ADCY5: variants seen among roughly 807,000 people sequenced by gnomAD.
ADCY5 encodes adenylate cyclase type 5.
Under a neutral mutation model 119.7 loss-of-function variants are expected in ADCY5, and 30 were observed. The ratio of observed to expected loss-of-function variants is 0.25; its 90% confidence interval spans 0.19 to 0.34. The LOEUF (loss-of-function observed/expected upper bound fraction) is 0.34. Ranked by LOEUF, ADCY5 falls within the 10% of genes least tolerant of loss-of-function variation. The pLI is 1.00. For synonymous variants in ADCY5, 753 were observed against 762.2 expected (o/e 0.99, Z 0.20); for missense variants, 1,324 against 1,775.2 (o/e 0.75, Z 4.57).
intron 12 of ADCY5, among the ~76,000 whole-genome samples, chr3:123,313,256 G>A (rs1452393913): frequency 1.3e-5 from 2 of 152,132 alleles, no homozygotes; most frequent in African/African-American, 2.4e-5. Context: ...GTGACTATAC[G>A]GTTAACAGAC....
chr3:123,389,382 C>T (rs1322000768), intron 1 of ADCY5, among the ~76,000 whole-genome samples: 5 of 152,090 alleles, frequency 3.3e-5, no homozygotes, highest in Non-Finnish European at 7.4e-5. Context: ...AACGCAGCTT[C>T]GAGACTTTCC....
chr3:123,347,694 G>T, intron 3 of ADCY5, 88 bp downstream of exon 3: 1 of 1,457,810 alleles, frequency 6.9e-7, no homozygotes, highest in Non-Finnish European at 9.2e-7. Context: ...ACCCTGTCGG[G>T]CTGTGCCCAC....
At chr3:123,334,307 T>C (rs772520384) in intron 3 of ADCY5, among the ~76,000 whole-genome samples, 5 of 152,152 alleles carry the variant, frequency 3.3e-5, no homozygotes, top group Non-Finnish European at 7.4e-5. Context: ...GTGGCAGGAT[T>C]CTTCCTCCAA....
intron 15 of ADCY5, among the ~76,000 whole-genome samples, chr3:123,297,825 C>A (rs1939613955): frequency 6.6e-6 from 1 of 151,896 alleles, no homozygotes; most frequent in Non-Finnish European, 1.5e-5. Context: ...AAAACATACA[C>A]CAGGTTTTGA....
intron 12 of ADCY5, among the ~76,000 whole-genome samples, chr3:123,305,577 C>A (rs1940153182): frequency 6.6e-6 from 1 of 152,238 alleles, no homozygotes; most frequent in African/African-American, 2.4e-5. Flanking sequence ...TGCTGACACT[C>A]ATGCTGCTGT....
chr3:123,442,177 C>CT (rs921132343), intron 1 of ADCY5, among the ~76,000 whole-genome samples: 3 of 152,124 alleles, frequency 2.0e-5, no homozygotes, highest in Non-Finnish European at 4.4e-5. Flanking sequence ...CCAGAGCAAA[C>CT]TTTTCTTTCT....
At chr3:123,319,124 C>T (rs151039258) in intron 10 of ADCY5, among the ~76,000 whole-genome samples, 172 of 152,238 alleles carry the variant, frequency 1.1e-3, no homozygotes, top group African/African-American at 3.7e-3. Context: ...GAGACCGAGG[C>T]GGGTGGATCA....
At chr3:123,439,374 C>G (rs1387718909) in intron 1 of ADCY5, among the ~76,000 whole-genome samples, 1 of 146,780 alleles carries the variant, frequency 6.8e-6, no homozygotes, top group African/African-American at 2.5e-5. Flanking sequence ...AAAGTGCTTT[C>G]TTTAAGGGAA....
At chr3:123,305,062 G>A (rs745860157) in intron 12 of ADCY5, among the ~76,000 whole-genome samples, 67 of 152,258 alleles carry the variant, frequency 4.4e-4, no homozygotes, top group Non-Finnish European at 8.7e-4. Context: ...GGGCAGACAG[G>A]GTGGTTGAAA....
At chr3:123,412,414 A>C (rs1332851885) in intron 1 of ADCY5, among the ~76,000 whole-genome samples, 1 of 152,142 alleles carries the variant, frequency 6.6e-6, no homozygotes, top group East Asian at 1.9e-4. Context: ...CAACGCAACC[A>C]CTGTGTCCTC....
chr3:123,311,261 A>G (rs1940559946), intron 12 of ADCY5, among the ~76,000 whole-genome samples: 1 of 152,250 alleles, frequency 6.6e-6, no homozygotes, highest in Admixed American at 6.5e-5. Context: ...TCAAAAAGAA[A>G]ACAGAAGGAC....
At chr3:123,418,095 G>T (rs367981177) in intron 1 of ADCY5, among the ~76,000 whole-genome samples, 4 of 152,302 alleles carry the variant, frequency 2.6e-5, no homozygotes, top group East Asian at 3.9e-4. Flanking sequence ...ATCCCAGGAG[G>T]TGAGACCCAC....
At chr3:123,433,250 C>A (rs907654386) in intron 1 of ADCY5, among the ~76,000 whole-genome samples, 1 of 152,226 alleles carries the variant, frequency 6.6e-6, no homozygotes, top group Non-Finnish European at 1.5e-5. Flanking sequence ...TCACCCAGGA[C>A]TCAGCTCAGG....
chr3:123,332,717 A>C, intron 3 of ADCY5, 42 bp from the exon 4 acceptor site: 1 of 1,309,652 alleles, frequency 7.6e-7, no homozygotes, highest in Non-Finnish European at 1.1e-6. Context: ...TATAGGCTGA[A>C]TCTTTGTGTC....
At chr3:123,410,319 C>T (rs1479514724) in intron 1 of ADCY5, among the ~76,000 whole-genome samples, 2 of 151,910 alleles carry the variant, frequency 1.3e-5, no homozygotes, top group East Asian at 3.9e-4. Context: ...CCATCCCCCT[C>T]CTCCTCCTCC....
chr3:123,448,461 G>T lies in ADCY5; in HGVS notation c.85C>A (p.Arg29Ser). The T allele has an allele frequency of 7.8e-7, 1 of 1,284,102 alleles. No homozygotes were observed. The highest frequency in any genetic ancestry group is 9.8e-7 in the Non-Finnish European group (1 of 1,017,406). 79.5% of individuals were successfully genotyped at this position (1,284,102 alleles called of 1,614,324 possible). The change falls in exon 1 of 21, where the codon CGC becomes AGC. Residue 29 changes from arginine (R) to serine (S), a missense_variant. Arg to Ser is a moderately radical substitution (Grantham distance 110, BLOSUM62 -1). Around this residue, in one of 6 missense-constraint regions of ADCY5, gnomAD observed 585 missense variants for 569.9 expected, o/e 1.03. Transcript: ENST00000462833. ...APAPRGGPEHRSAWGEADSRA... is the reference protein window; with the variant it reads ...APAPRGGPEHSSAWGEADSRA... Reference sequence around the variant, plus strand: ...GAATCGGCCTCGCCCCACGCAGAGCGGTGTTCGGGGCCTCCCCGGGGCGCC... The same window carrying T: ...GAATCGGCCTCGCCCCACGCAGAGCTGTGTTCGGGGCCTCCCCGGGGCGCC...
rs751275940 is a variant in ADCY5, at chr3:123,327,635, G to T, written c.1930C>A (p.Arg644Ser). 1 of 1,613,916 alleles carries T rather than the reference G, an allele frequency of 6.2e-7. No homozygotes were observed. The highest frequency in any genetic ancestry group is 8.5e-7 in the Non-Finnish European group (1 of 1,179,968). ...CCACAGACCCGCTTCTGGGTGCAGC[G>T]CAGGATGAGGAAGGTCTCGATACTG... ...EHSIETFLIL[R>S]CTQKRKEEKA... The change falls in exon 7 of 21, where the codon CGC becomes AGC. Residue 644 changes from arginine (R) to serine (S), a missense_variant. Around this residue, in one of 6 missense-constraint regions of ADCY5, gnomAD observed 424 missense variants for 546.8 expected, o/e 0.78. Transcript: ENST00000462833.
Position 123,327,697 on chromosome 3 carries a change from C to G in ADCY5, c.1868G>C (p.Gly623Ala), listed in dbSNP as rs1941562327. The G allele has an allele frequency of 6.2e-7, 1 of 1,613,904 alleles. No homozygotes were observed. The highest frequency in any genetic ancestry group is 1.3e-5 in the African/African-American group (1 of 74,906). Residue 623 changes from glycine (G) to alanine (A), a missense_variant, in exon 7 of 21, where the codon GGC becomes GCC. By Grantham distance (60) the Gly-to-Ala change is moderately conservative. Transcript: ENST00000462833. Reference protein sequence around the residue: ...YLNGDYEVEPGCGGERNAYLK... With the variant: ...YLNGDYEVEPACGGERNAYLK... The stretch of plus-strand genomic sequence containing the variant: ...GTAGGCGTTGCGCTCGCCCCCACAG[C>G]CTGGCTCCACCTCGTAGTCCCCATT...
intron 1 of ADCY5, among the ~76,000 whole-genome samples, chr3:123,443,204 A>G (rs1945752357): frequency 6.6e-6 from 1 of 152,112 alleles, no homozygotes; most frequent in African/African-American, 2.4e-5. Context: ...GGTAGGTAGC[A>G]GGAAAGGTTC....
Sources: allele counts gnomAD v4.1 joint callset (sites outside exome capture counted in the v4.1 genomes callset), GRCh38; gene constraint gnomAD v4.1.1; regional missense constraint gnomAD v4.1.1; transcripts MANE v1.5; gene names NCBI Gene and HGNC (gene_info 2026-07-23, HGNC 2026-07-21).